Variants in DLEU7 observed in about 807,000 individuals in gnomAD.
The protein encoded by DLEU7 is deleted in lymphocytic leukemia 7.
Under a neutral mutation model 16.0 loss-of-function variants are expected in DLEU7, and 17 were observed. The ratio of observed to expected loss-of-function variants is 1.06; its 90% CI spans 0.73 to 1.59. The LOEUF is 1.59. Among genes scored for constraint, DLEU7 ranks in the 40% most tolerant of loss-of-function variants. The pLI, the probability that DLEU7 is intolerant of heterozygous loss-of-function variation, is 0.00. For synonymous variants in DLEU7, 113 were observed against 139.8 expected, an observed-to-expected ratio of 0.81 and a Z score of 1.35; for missense variants, 308 against 314.9, an observed-to-expected ratio of 0.98 and a Z score of 0.17.
Position 50,784,029 on chromosome 13 carries a change from G to A in DLEU7, c.459+59159C>T, listed in dbSNP as rs148705816. ...CCGTAAGCTCTAGCTTCAGTTCAGC[G>A]ACCCGCCCCCTGTGTTTTGCCAGGC... On this transcript the variant is annotated intron_variant, in intron 1 of 1. Coordinates refer to the DLEU7 transcript ENST00000400393. 6.5e-3 allele frequency among the ~76,000 whole-genome samples: 997 copies of A among 152,318 alleles called. 7 individuals carry two copies. Among genetic ancestry groups the A allele is most frequent in the African/African-American group, 0.022 (928 of 41,580 alleles).
At chr13:50,835,032 G>A (rs1227075366) in intron 1 of DLEU7, among the ~76,000 whole-genome samples, 7 of 148,494 alleles carry the variant, frequency 4.7e-5, no homozygotes, top group South Asian at 2.2e-4. Flanking sequence ...ATCACATACC[G>A]GGGCCTGTAG....
rs1877732061 is a variant in DLEU7 at position 50,843,246 on chromosome 13, A to G, written c.401T>C (p.Val134Ala). 6.3e-7 allele frequency: 1 copy of G among 1,595,948 alleles called. No individual in the cohort carries two copies. The highest frequency in any genetic ancestry group is 8.5e-7 in the Non-Finnish European group (1 of 1,171,688). The change falls in exon 1 of 2, where the codon GTG (valine) becomes GCG (alanine). Residue 134 changes from valine (V) to alanine (A), a missense_variant. Val to Ala is a moderately conservative substitution (Grantham distance 64, BLOSUM62 0). Coordinates refer to ENST00000504404, the MANE Select transcript of DLEU7 (RefSeq NM_001306135.2). This position sits in a 1 kb window ranked among gnomAD's most constrained non-coding sequence, Gnocchi z 5.7. ...VVDSTSELVS[V>A]EQTLLGPLQQ... ...GAGGGGCCCCAGCAGCGTCTGCTCC[A>G]CGCTGACCAGCTCCGAAGTCGAGTC...
intron 1 of DLEU7, among the ~76,000 whole-genome samples, chr13:50,731,449 T>A (rs1873909258): frequency 6.6e-6 from 1 of 152,202 alleles, no homozygotes; most frequent in Admixed American, 6.5e-5. Flanking sequence ...AATATCCTAC[T>A]TAAAAATGTT....
At chr13:50,843,867 C>T, upstream of DLEU7, 1 of 548,196 alleles carries the variant, frequency 1.8e-6, no homozygotes, top group Non-Finnish European at 3.1e-6. This position sits in a 1 kb window ranked among gnomAD's most constrained non-coding sequence, Gnocchi z 5.7. Context: ...TGACCCAAAG[C>T]TGCCTGAAGC....
At chr13:50,749,877 C>G (rs1255876390) in intron 1 of DLEU7, among the ~76,000 whole-genome samples, 1 of 152,112 alleles carries the variant, frequency 6.6e-6, no homozygotes, top group Non-Finnish European at 1.5e-5. Flanking sequence ...TTTTCTCCAA[C>G]TCTGTGGGTT....
At chr13:50,742,015 C>T (rs1289103460) in intron 1 of DLEU7, among the ~76,000 whole-genome samples, 1 of 152,102 alleles carries the variant, frequency 6.6e-6, no homozygotes, top group Non-Finnish European at 1.5e-5. Context: ...TGTTCACTTT[C>T]AACAATTCCA....
At chr13:50,755,756 G>C (rs570819873) in intron 1 of DLEU7, among the ~76,000 whole-genome samples, 2 of 48,512 alleles carry the variant, frequency 4.1e-5, no homozygotes, top group Non-Finnish European at 9.2e-5. Context: ...TTTTTTTGAG[G>C]GGGGGGGCAC....
intron 1 of DLEU7, among the ~76,000 whole-genome samples, chr13:50,759,744 T>G (rs1874869544): frequency 2.6e-5 from 4 of 151,928 alleles, no homozygotes; most frequent in South Asian, 4.2e-4. Flanking sequence ...GTGAGGGAAA[T>G]ATTGGACCTA....
chr13:50,745,705 G>A (rs1455446394), intron 1 of DLEU7, among the ~76,000 whole-genome samples: 1 of 152,122 alleles, frequency 6.6e-6, no homozygotes, highest in Non-Finnish European at 1.5e-5. Flanking sequence ...CCGAGTGACA[G>A]CACTGAAAGG....
rs1277703054 is a variant in DLEU7 at position 50,843,551 on chromosome 13, G to A, written c.96C>T (p.Asp32=). The A allele has an allele frequency of 5.1e-5, 74 of 1,461,078 alleles. No homozygotes were observed. The highest frequency in any genetic ancestry group is 6.3e-5 in the Non-Finnish European group (70 of 1,117,204). 90.5% of individuals were successfully genotyped at this position (1,461,078 alleles called of 1,614,324 possible). ...GCGGGTTCCCGGGGGCGACTGGACC[G>A]TCCCCCCAGCCCCACTCCTGCTGCA... ...QLLQQEWGWG[D]GPVAPGNPRD... Residue 32 remains aspartate (D), a synonymous_variant, in exon 1 of 2, where the codon GAC becomes GAT. Coordinates refer to ENST00000504404, the MANE Select transcript of DLEU7 (RefSeq NM_001306135.2). The surrounding 1 kb of genome is among the most constrained non-coding windows in gnomAD (Gnocchi z 5.7).
At chr13:50,716,066 G>A (rs932898505) in intron 1 of DLEU7, among the ~76,000 whole-genome samples, 11 of 152,248 alleles carry the variant, frequency 7.2e-5, no homozygotes, top group Non-Finnish European at 1.2e-4. Flanking sequence ...GTATTTGTTA[G>A]TAACTGAAAG....
chr13:50,827,566 G>A (rs1877129436), intron 1 of DLEU7, among the ~76,000 whole-genome samples: 1 of 151,920 alleles, frequency 6.6e-6, no homozygotes, highest in Non-Finnish European at 1.5e-5. Context: ...TGCACCTGTG[G>A]TCCCAGCTAC....
downstream of DLEU7, among the ~76,000 whole-genome samples, chr13:50,820,957 T>C (rs1876886196): frequency 6.6e-6 from 1 of 152,150 alleles, no homozygotes. Context: ...CCAGTGTGCA[T>C]TTTACATTTT....
chr13:50,818,474 CAT>C (rs1410945247), downstream of DLEU7: 2 of 152,156 alleles, frequency 1.3e-5, 1 homozygote, highest in African/African-American at 4.8e-5. Flanking sequence ...TGACTAACCA[CAT>C]GACTTAATTC....
At chr13:50,820,214 T>G (rs1006308715), downstream of DLEU7, among the ~76,000 whole-genome samples, 2 of 151,704 alleles carry the variant, frequency 1.3e-5, no homozygotes, top group East Asian at 3.9e-4. Context: ...CCATTTGGAG[T>G]GGATTCAAAA....
At chr13:50,766,310 C>T (rs1028090080) in intron 1 of DLEU7, among the ~76,000 whole-genome samples, 3 of 152,204 alleles carry the variant, frequency 2.0e-5, no homozygotes, top group African/African-American at 4.8e-5. Flanking sequence ...GCACTCCACC[C>T]GTCTCCTTGT....
chr13:50,831,500 GAGAACATTAGTCTGAAAAGAAT>G, intron 1 of DLEU7, among the ~76,000 whole-genome samples: 1 of 152,308 alleles, frequency 6.6e-6, no homozygotes, highest in African/African-American at 2.4e-5. Context: ...CAGGGAGAAG[GAGAACATTAGTCTGAAAAGAAT>G]AGAATTTTGT....
At chr13:50,764,249 A>G (rs1875033587) in intron 1 of DLEU7, among the ~76,000 whole-genome samples, 1 of 152,250 alleles carries the variant, frequency 6.6e-6, no homozygotes, top group African/African-American at 2.4e-5. Context: ...AAGTTGCATC[A>G]TAACATATAA....
intron 1 of DLEU7, among the ~76,000 whole-genome samples, chr13:50,713,861 C>T (rs1873363677): frequency 6.6e-6 from 1 of 152,180 alleles, no homozygotes; most frequent in Admixed American, 6.5e-5. Flanking sequence ...CTCCCACCTG[C>T]CTCCCTCCTC....
Sources: allele counts gnomAD v4.1 joint callset (sites outside exome capture counted in the v4.1 genomes callset), GRCh38; gene constraint gnomAD v4.1.1; non-coding constraint Gnocchi (gnomAD v3.1); transcripts MANE v1.5; gene names NCBI Gene and HGNC (gene_info 2026-07-23, HGNC 2026-07-21).